WDR77: variants seen among roughly 807,000 people sequenced by gnomAD.
WDR77 encodes WD repeat domain 77, also known as methylosome protein WDR77.
Under a neutral mutation model 44.0 loss-of-function variants are expected in WDR77, and 31 were observed. The observed-to-expected ratio is 0.70, with a 90% CI of 0.53 to 0.95. The LOEUF is 0.95. WDR77 is among the 40% of genes least tolerant of loss of function. The probability of loss-of-function intolerance (pLI) is 0.00; values close to 1 mark genes in which losing one functional copy is unlikely to be tolerated. For synonymous variants in WDR77, 186 were observed against 165.7 expected (o/e 1.12, Z -0.94); for missense variants, 390 against 423.9 (o/e 0.92, Z 0.70).
At chr1:111,443,018 G>A (rs1652876470) in intron 7 of WDR77, among the ~76,000 whole-genome samples, 1 of 152,174 alleles carries the variant, frequency 6.6e-6, no homozygotes, top group Non-Finnish European at 1.5e-5. Context: ...ACCCACAGTA[G>A]GACAGAATTC....
In WDR77 at chr1:111,439,982, T is replaced by A. The variant is rs3754032; in HGVS notation, c.*1248A>T. The A allele has an allele frequency of 0.2, 30,632 of 152,616 alleles. 3,701 individuals are homozygous for A. The highest frequency in any genetic ancestry group is 0.28 in the Non-Finnish European group (18,757 of 67,988). The allele number at this position is 152,616 out of a possible 1,614,324, so 9.5% of individuals were successfully genotyped here. A position where few individuals can be genotyped will look rare whatever the true frequency, so the allele number is the denominator to read the frequency against. On this transcript the variant is annotated 3_prime_UTR_variant, in exon 10 of 10. Transcript: ENST00000235090. ...ATATTTTGCCCATATTCCTTCAGAC[T>A]TTCCCAGTTTCATAATGTGATTTTT...
Position 111,449,206 on chromosome 1 carries a change from A to T in WDR77, c.-37T>A. ...CAACTCCAACCTAGACTCAAACTGG[A>T]CGCCGGCCGGAGACTCCGCTCCGGC... On this transcript the variant is annotated 5_prime_UTR_variant, in exon 1 of 10. Transcript: ENST00000235090. The T allele has an allele frequency of 6.5e-7, 1 of 1,541,414 alleles. No homozygotes were observed. Among genetic ancestry groups the T allele is most frequent in the Non-Finnish European group, 8.7e-7 (1 of 1,149,348 alleles).
At chr1:111,447,682 G>C (rs1653105258) in intron 2 of WDR77, 106 bp from the exon 3 acceptor site, 8 of 1,382,856 alleles carry the variant, frequency 5.8e-6, no homozygotes, top group Middle Eastern at 1.8e-4. Context: ...AAGTAAGTTA[G>C]TTATTCCTGT....
intron 4 of WDR77, among the ~76,000 whole-genome samples, chr1:111,446,008 T>A (rs941473816): frequency 3.3e-5 from 5 of 152,192 alleles, no homozygotes; most frequent in African/African-American, 1.2e-4. Flanking sequence ...AGACTTCATA[T>A]GATCCACCCG....
chr1:111,443,471 A>G, intron 6 of WDR77, 77 bp from the exon 7 acceptor site: 2 of 1,423,466 alleles, frequency 1.4e-6, no homozygotes, highest in Non-Finnish European at 1.9e-6. Context: ...ATCACTCTAA[A>G]TCCTGGGAGC....
chr1:111,442,460 C>T (rs1204114467), intron 8 of WDR77, among the ~76,000 whole-genome samples, 193 bp downstream of exon 8: 1 of 152,218 alleles, frequency 6.6e-6, no homozygotes, highest in Non-Finnish European at 1.5e-5. Context: ...CAGAAACCAT[C>T]TAATCTGAAA....
At chr1:111,448,581 AC>A in intron 2 of WDR77, 37 bp downstream of exon 2, 2 of 1,613,498 alleles carry the variant, frequency 1.2e-6, no homozygotes, top group Non-Finnish European at 1.7e-6. Context: ...CTACCGTTCC[AC>A]CCGGGGGTGG....
At chr1:111,442,905 T>C in intron 7 of WDR77, 144 bp from the exon 8 acceptor site, 1 of 551,864 alleles carries the variant, frequency 1.8e-6, no homozygotes. Flanking sequence ...AATAAGTCAC[T>C]GGATCATTGT....
rs867935389 is a variant in WDR77 at position 111,446,904 on chromosome 1, C to T, written c.493+191G>A. On this transcript the variant is annotated intron_variant, in intron 4 of 9. Coordinates refer to ENST00000235090, the MANE Select transcript of WDR77 (RefSeq NM_024102.4). The stretch of plus-strand genomic sequence containing the variant: ...CTTTTCACTACTGCACTTGACTAGT[C>T]GAATTAAAAAAAAAGAAAGAAAGAA... 24 of 614,624 alleles carry T rather than the reference C, an allele frequency of 3.9e-5. No individual in the cohort carries two copies. In the South Asian group the frequency reaches 4.3e-4, roughly 11 times the overall value. 38.1% of individuals were successfully genotyped at this position (614,624 alleles called of 1,614,324 possible).
Position 111,444,080 on chromosome 1 carries a change from C to T in WDR77, c.538G>A (p.Asp180Asn), listed in dbSNP as rs1652923063. The change falls in exon 5 of 10, where the codon GAC (aspartate) becomes AAC (asparagine). Residue 180 changes from aspartate (D) to asparagine (N), a missense_variant. By Grantham distance (23) the Asp-to-Asn change is conservative. Coordinates refer to ENST00000235090, the MANE Select transcript of WDR77 (RefSeq NM_024102.4). ...VTCVAASPHK[D>N]SVFLSCSEDN... ...TCGCTGCATGAAAGAAACACAGAGT[C>T]CTTGTGAGGAGAGGCAGCAACACAA... 2 of 1,613,936 alleles carry T rather than the reference C, an allele frequency of 1.2e-6. No homozygotes were observed. Among genetic ancestry groups the T allele is most frequent in the Non-Finnish European group, 1.7e-6 (2 of 1,180,036 alleles).
chr1:111,448,857 T>C (rs1369462691), intron 1 of WDR77, 53 bp from the exon 2 acceptor site: 3 of 1,550,188 alleles, frequency 1.9e-6, no homozygotes, highest in South Asian at 1.2e-5. Flanking sequence ...TTCGCCTCCA[T>C]GGAGACCGCA....
chr1:111,447,482 A>G lies in WDR77; in HGVS notation c.396T>C (p.Ser132=), dbSNP rs763170197. 2 of 1,614,120 alleles carry G rather than the reference A, an allele frequency of 1.2e-6. No homozygotes were observed. The highest frequency in any genetic ancestry group is 1.1e-5 in the South Asian group (1 of 91,084). ...YEHDDIVSTV[S]VLSSGTQAVS... ...CAGCTTGTGTGCCAGAGCTCAAGAC[A>G]CTGACTGTAGACACAATGTCATCAT... The change falls in exon 3 of 10, where the codon AGT becomes AGC. Residue 132 remains serine (S), a synonymous_variant. Transcript: ENST00000235090.
intron 1 of WDR77, 63 bp downstream of exon 1, chr1:111,448,991 GT>G (rs1557796847): frequency 6.5e-7 from 1 of 1,541,816 alleles, no homozygotes; most frequent in South Asian, 1.2e-5. Context: ...GGGAGGGTCA[GT>G]CTCCGGGGAG....
intron 9 of WDR77, 30 bp from the exon 10 acceptor site, chr1:111,441,419 G>C (rs1456384573): frequency 6.9e-7 from 1 of 1,455,904 alleles, no homozygotes; most frequent in East Asian, 2.5e-5. Context: ...TCGGGGCAGA[G>C]TAGAGACAAG....
At position 111,442,637 on chromosome 1, in the gene WDR77, T is replaced by G. The variant is rs763523248; in HGVS notation, c.800+16A>C. 4.6e-6 allele frequency: 7 copies of G among 1,529,310 alleles called. No homozygotes were observed. In the East Asian group the frequency reaches 1.6e-4, roughly 35 times the overall value. The allele number at this position is 1,529,310 out of a possible 1,614,324, so 94.7% of individuals were successfully genotyped here. A position where few individuals can be genotyped will look rare whatever the true frequency, so the allele number is the denominator to read the frequency against. On this transcript the variant is annotated intron_variant, in intron 8 of 9. Coordinates refer to ENST00000235090, the MANE Select transcript of WDR77 (RefSeq NM_024102.4). ...CCATTTATACCCATCAGGCCCCTGA[T>G]GACAAAGAACAGTACCTGTGTGGGG...
intron 9 of WDR77, chr1:111,441,629 G>T: frequency 7.8e-7 from 1 of 1,281,030 alleles, no homozygotes. Context: ...ACAGTGATGA[G>T]GGGCAGTAAC....
chr1:111,447,150 A>T lies in WDR77; in HGVS notation c.444-6T>A. ...CAAGGTCCCAAACCTTGATGCTAAG[A>T]AGCAAAAGCAAACAGACATTTAATC... On this transcript the variant is annotated splice_region_variant and splice_polypyrimidine_tract_variant and intron_variant, in intron 3 of 9. Transcript: ENST00000235090. 6.2e-7 allele frequency: 1 copy of T among 1,614,188 alleles called. No homozygotes were observed. Among genetic ancestry groups the T allele is most frequent in the Non-Finnish European group, 8.5e-7 (1 of 1,180,024 alleles).
At chr1:111,443,288 C>T (rs1251087310) in intron 7 of WDR77, 35 bp downstream of exon 7, 7 of 1,546,640 alleles carry the variant, frequency 4.5e-6, no homozygotes, top group Non-Finnish European at 6.1e-6. Flanking sequence ...CTCCCCTTTC[C>T]CAGAGTCAAT....
At position 111,441,231 on chromosome 1, in the gene WDR77, T is replaced by A. The variant is rs1281031030; in HGVS notation, c.1028A>T (p.Ter343LeuextTer31). 1 of 1,512,918 alleles carries A rather than the reference T, an allele frequency of 6.6e-7. No individual in the cohort carries two copies. The highest frequency in any genetic ancestry group is 1.4e-5 in the African/African-American group (1 of 71,108). 93.7% of individuals were successfully genotyped at this position (1,512,918 alleles called of 1,614,324 possible). The stretch of plus-strand genomic sequence containing the variant: ...CTTGCTTTTTGTCTTAAATCCAATC[T>A]ACTCAGTAACACTTGCAGGTCCAGG... ...PAPGPASVTE[*>L] The change falls in exon 10 of 10, where the codon TAG becomes TTG. Residue 343 changes from the stop codon to leucine (L), a stop_lost. Coordinates refer to ENST00000235090, the MANE Select transcript of WDR77 (RefSeq NM_024102.4).
Sources: allele counts gnomAD v4.1 joint callset (sites outside exome capture counted in the v4.1 genomes callset), GRCh38; gene constraint gnomAD v4.1.1; transcripts MANE v1.5; gene names NCBI Gene and HGNC (gene_info 2026-07-23, HGNC 2026-07-21).